The following ACCSL variants were observed in gnomAD, a reference collection of about 807,000 sequenced individuals.
ACCSL encodes 1-aminocyclopropane-1-carboxylate synthase homolog (inactive) like.
In ACCSL, 55 loss-of-function variants were observed where a neutral mutation model predicts 61.7. The ratio of observed to expected loss-of-function variants is 0.89; its 90% CI spans 0.72 to 1.12. The LOEUF (loss-of-function observed/expected upper bound fraction) is 1.12, where lower values mean the gene tolerates loss of function less well. Among genes scored for constraint, ACCSL ranks in the 50% most tolerant of loss-of-function variants. The pLI, the probability that ACCSL is intolerant of heterozygous loss-of-function variation, is 0.00. For synonymous variants in ACCSL, 258 were observed against 264.3 expected, an observed-to-expected ratio of 0.98 and a Z score of 0.23; for missense variants, 632 against 698.0, an observed-to-expected ratio of 0.91 and a Z score of 1.07.
At position 44,051,342 on chromosome 11, in the gene ACCSL, G is replaced by A. The variant is rs757093710; in HGVS notation, c.643G>A (p.Glu215Lys). Residue 215 changes from glutamate (E) to lysine (K), a missense_variant, in exon 4 of 14, where the codon GAA becomes AAA. Coordinates refer to ENST00000378832, the MANE Select transcript of ACCSL (RefSeq NM_001031854.2). ...CTCTGGGTCTGTTTACAGCCTGCGG[G>A]AAGAAGTGGCCCGGTTCCTGACCTA... is the stretch of plus-strand genomic sequence containing the variant. Reference protein sequence around the residue: ...PDWRGQPFLREEVARFLTYYC... With the variant: ...PDWRGQPFLRKEVARFLTYYC... 7.4e-6 allele frequency: 12 copies of A among 1,614,196 alleles called. No homozygotes were observed. Among genetic ancestry groups the A allele is most frequent in the Non-Finnish European group, 9.3e-6 (11 of 1,180,038 alleles).
At chr11:44,054,054 AAT>A (rs1275938825) in intron 8 of ACCSL, among the ~76,000 whole-genome samples, 2 of 152,216 alleles carry the variant, frequency 1.3e-5, no homozygotes, top group African/African-American at 2.4e-5. Flanking sequence ...TTTTCTGAGA[AAT>A]ATGTCACTTA....
chr11:43,998,786 G>A, the ACCSL span, among the ~76,000 whole-genome samples: 1 of 138,468 alleles, frequency 7.2e-6, no homozygotes, highest in Non-Finnish European at 1.5e-5. Context: ...TTGAGACAAT[G>A]TCTCTCTCTG....
At chr11:43,939,370 T>C in the ACCSL span, among the ~76,000 whole-genome samples, 1 of 152,218 alleles carries the variant, frequency 6.6e-6, no homozygotes, top group African/African-American at 2.4e-5. Flanking sequence ...CTGGTATAAA[T>C]TTCTATAAGG....
chr11:43,976,644 T>A, the ACCSL span, among the ~76,000 whole-genome samples: 1 of 152,186 alleles, frequency 6.6e-6, no homozygotes, highest in African/African-American at 2.4e-5. Context: ...CCATTTTCCA[T>A]GCTGGAGTCT....
chr11:43,929,329 C>T, the ACCSL span, among the ~76,000 whole-genome samples: 1 of 152,238 alleles, frequency 6.6e-6, no homozygotes, highest in African/African-American at 2.4e-5. Context: ...AAATGATCCT[C>T]CTACCTCAGC....
At chr11:43,921,282 A>G in the ACCSL span, 1 of 152,214 alleles carries the variant, frequency 6.6e-6, no homozygotes, top group African/African-American at 2.4e-5. Context: ...CTCGGCACTC[A>G]GATGGAGCAC....
the ACCSL span, among the ~76,000 whole-genome samples, chr11:44,023,099 T>C: frequency 7.1e-6 from 1 of 140,320 alleles, no homozygotes; most frequent in Non-Finnish European, 1.5e-5. Flanking sequence ...CAGGCTGGAG[T>C]GCAGTGGCAC....
At chr11:43,993,210 A>G in the ACCSL span, among the ~76,000 whole-genome samples, 2 of 152,270 alleles carry the variant, frequency 1.3e-5, no homozygotes, top group Non-Finnish European at 2.9e-5. Context: ...TTCATGGGGT[A>G]TGGCCCCTCC....
At chr11:43,952,754 TTCTTTAAC>T in the ACCSL span, among the ~76,000 whole-genome samples, 1 of 152,206 alleles carries the variant, frequency 6.6e-6, no homozygotes, top group Admixed American at 6.5e-5. Flanking sequence ...AAGCCCTTCC[TTCTTTAAC>T]TCGGTGTCTG....
chr11:43,925,597 T>G, the ACCSL span: 1 of 392,546 alleles, frequency 2.5e-6, no homozygotes, highest in Admixed American at 2.6e-5. Flanking sequence ...TGCTCCCTCT[T>G]ACGGTCACAG....
the ACCSL span, chr11:43,944,273 C>A: frequency 4.1e-4 from 66 of 161,890 alleles, no homozygotes; most frequent in Non-Finnish European, 7.1e-4. Context: ...TGCGCTGATT[C>A]CTGGCGGCGG....
chr11:44,020,272 A>G, the ACCSL span, among the ~76,000 whole-genome samples: 2 of 149,806 alleles, frequency 1.3e-5, no homozygotes, highest in African/African-American at 2.5e-5. Context: ...ATCATCTACA[A>G]ATAGAGATAG....
At position 44,053,469 on chromosome 11, in the gene ACCSL, C is replaced by G; in HGVS notation, c.1012C>G (p.Pro338Ala). 1 of 1,614,126 alleles carries G rather than the reference C, an allele frequency of 6.2e-7. No individual in the cohort carries two copies. Among genetic ancestry groups the G allele is most frequent in the Non-Finnish European group, 8.5e-7 (1 of 1,180,000 alleles). The change falls in exon 8 of 14, where the codon CCA (proline) becomes GCA (alanine). Residue 338 changes from proline (P) to alanine (A), a missense_variant. Coordinates refer to ENST00000378832, the MANE Select transcript of ACCSL (RefSeq NM_001031854.2). ...PQNPLGDIYSPDSLMKYLEFA... is the reference protein window; with the variant it reads ...PQNPLGDIYSADSLMKYLEFA... ...GAATCCTCTGGGTGACATCTACTCCCCAGACTCACTGATGAAATACCTGGA... is the reference window on the plus strand; with the variant it reads ...GAATCCTCTGGGTGACATCTACTCCGCAGACTCACTGATGAAATACCTGGA...
At chr11:44,012,612 T>C in the ACCSL span, among the ~76,000 whole-genome samples, 4 of 152,318 alleles carry the variant, frequency 2.6e-5, no homozygotes, top group African/African-American at 9.6e-5. Context: ...CAGGGCAATT[T>C]AGCAATATCT....
At position 44,059,930 on chromosome 11, in the gene ACCSL, C is replaced by T. The variant is rs1349165041; in HGVS notation, c.*10C>T. 2.5e-6 allele frequency: 4 copies of T among 1,612,814 alleles called. No individual in the cohort carries two copies. Among genetic ancestry groups the T allele is most frequent in the African/African-American group, 2.7e-5 (2 of 74,896 alleles). On this transcript the variant is annotated 3_prime_UTR_variant, in exon 14 of 14. Transcript: ENST00000378832. Reference sequence around the variant, plus strand: ...TGCAATGAGGGAGTAGGCCGTCTGCCTCCCAACCAGCAGTTCCAGCCCATC... The same window carrying T: ...TGCAATGAGGGAGTAGGCCGTCTGCTTCCCAACCAGCAGTTCCAGCCCATC...
At chr11:44,052,932 A>T in intron 6 of ACCSL, 59 bp from the exon 7 acceptor site, 1 of 1,554,518 alleles carries the variant, frequency 6.4e-7, no homozygotes, top group Non-Finnish European at 8.9e-7. Context: ...GGCTTATGGG[A>T]ATGAGGAATC....
chr11:44,017,539 T>C, the ACCSL span, among the ~76,000 whole-genome samples: 1 of 152,284 alleles, frequency 6.6e-6, no homozygotes, highest in African/African-American at 2.4e-5. Flanking sequence ...TGGGGGTTAG[T>C]GTTCTCCCAG....
chr11:43,942,072 G>GTGTGTT, the ACCSL span, among the ~76,000 whole-genome samples: 5 of 149,122 alleles, frequency 3.4e-5, no homozygotes, highest in Admixed American at 6.6e-5. Flanking sequence ...GTGTGTGTGT[G>GTGTGTT]TGTGCGCGCG....
At chr11:44,056,160 C>T (rs756438477) in intron 10 of ACCSL, 25 bp from the exon 11 acceptor site, 5 of 1,614,060 alleles carry the variant, frequency 3.1e-6, no homozygotes, top group Non-Finnish European at 4.2e-6. Flanking sequence ...AACACTTGTT[C>T]CTGTTCCTGC....
Sources: gnomAD v4.1 joint callset for allele counts (sites outside exome capture counted in the v4.1 genomes callset) on GRCh38, gnomAD v4.1.1 for gene constraint, MANE v1.5 for transcripts, NCBI Gene and HGNC (gene_info 2026-07-23, HGNC 2026-07-21) for gene names.